RAB27B: variants seen among roughly 807,000 people sequenced by gnomAD.
RAB27B encodes the protein ras-related protein Rab-27B.
In RAB27B, 15 loss-of-function variants were observed where a neutral mutation model predicts 24.6. The observed-to-expected ratio is 0.61, with a 90% CI of 0.41 to 0.94. The LOEUF (loss-of-function observed/expected upper bound fraction) is 0.94. Ranked by LOEUF, RAB27B falls within the 40% of genes least tolerant of loss-of-function variation. RAB27B has a pLI of 0.00. For synonymous variants in RAB27B, 105 were observed against 92.5 expected (o/e 1.14, Z -0.78); for missense variants, 261 against 266.8 (o/e 0.98, Z 0.15).
intron 2 of RAB27B, among the ~76,000 whole-genome samples, chr18:54,804,980 CTTCCT>C (rs1196739474): frequency 0.012 from 792 of 66,450 alleles, 6 homozygotes; most frequent in Middle Eastern, 0.024. Context: ...TCCTGCCTTC[CTTCCT>C]TTTTTTTTTT....
At chr18:54,813,526 A>C (rs540435719) in intron 2 of RAB27B, among the ~76,000 whole-genome samples, 1 of 152,060 alleles carries the variant, frequency 6.6e-6, no homozygotes, top group Non-Finnish European at 1.5e-5. Flanking sequence ...AGAGCATGGC[A>C]CCTCTGCCCT....
intron 2 of RAB27B, among the ~76,000 whole-genome samples, chr18:54,807,478 C>T (rs1045136768): frequency 6.6e-6 from 1 of 152,098 alleles, no homozygotes; most frequent in African/African-American, 2.4e-5. Context: ...GAACTTGGAG[C>T]TTTACAGGAT....
intron 2 of RAB27B, among the ~76,000 whole-genome samples, chr18:54,804,934 C>CTTTCTTTCTT (rs1909739520): frequency 1.3e-5 from 1 of 76,588 alleles, no homozygotes; most frequent in South Asian, 4.1e-4. Flanking sequence ...TTCTTTCTTT[C>CTTTCTTTCTT]TTTCTTTCTT....
At chr18:54,767,320 G>C (rs899028696) in intron 2 of RAB27B, among the ~76,000 whole-genome samples, 2 of 152,102 alleles carry the variant, frequency 1.3e-5, no homozygotes, top group Non-Finnish European at 2.9e-5. Flanking sequence ...GCCAGTGTGT[G>C]GTGGGCAGTA....
At chr18:54,795,085 C>A (rs1488672686) in intron 2 of RAB27B, among the ~76,000 whole-genome samples, 1 of 152,124 alleles carries the variant, frequency 6.6e-6, no homozygotes, top group Non-Finnish European at 1.5e-5. Flanking sequence ...GGAAATTGAG[C>A]TTTAGAGTGA....
chr18:54,834,928 G>A (rs1372442223), intron 1 of RAB27B, among the ~76,000 whole-genome samples: 4 of 151,650 alleles, frequency 2.6e-5, no homozygotes, highest in East Asian at 1.9e-4. Context: ...ATGAGATTAT[G>A]TATTAAATCT....
At chr18:54,756,402 A>G (rs954451487) in intron 2 of RAB27B, among the ~76,000 whole-genome samples, 1 of 152,144 alleles carries the variant, frequency 6.6e-6, no homozygotes, top group African/African-American at 2.4e-5. Context: ...CTCAACATTG[A>G]TATCCTGACT....
intron 1 of RAB27B, among the ~76,000 whole-genome samples, chr18:54,839,553 G>A (rs1397690447): frequency 6.6e-6 from 1 of 152,134 alleles, no homozygotes; most frequent in Non-Finnish European, 1.5e-5. Flanking sequence ...GCAACAGTTA[G>A]GTCTTCTCCA....
At chr18:54,819,525 C>G (rs1443967439) in intron 2 of RAB27B, among the ~76,000 whole-genome samples, 1 of 111,362 alleles carries the variant, frequency 9.0e-6, no homozygotes, top group Non-Finnish European at 2.0e-5. Context: ...GAACAAGACT[C>G]CATCTCAAAA....
chr18:54,833,056 C>T (rs1222045963), intron 1 of RAB27B, among the ~76,000 whole-genome samples: 1 of 152,040 alleles, frequency 6.6e-6, no homozygotes, highest in Non-Finnish European at 1.5e-5. Flanking sequence ...ATTAGAAATA[C>T]TTAACGAAGG....
At position 54,842,778 on chromosome 18, in the gene RAB27B, C is replaced by T. The variant is rs117578891; in HGVS notation, c.-20+14078C>T. Among the ~76,000 whole-genome samples the T allele has an allele frequency of 8.0e-4, 122 of 152,232 alleles. 3 individuals carry two copies. In the East Asian group the frequency reaches 0.021, roughly 27 times the overall value. The stretch of plus-strand genomic sequence containing the variant: ...TAGTTTCAGACAAAAGTATTTGTTG[C>T]AAGTTTCTTGAATTTATGCAATATT... On this transcript the variant is annotated intron_variant, in intron 1 of 5. Transcript: ENST00000262094.
chr18:54,743,241 T>A (rs1910124913), intron 2 of RAB27B, among the ~76,000 whole-genome samples: 1 of 152,202 alleles, frequency 6.6e-6, no homozygotes, highest in Non-Finnish European at 1.5e-5. Flanking sequence ...GCATTTTATG[T>A]CACTATATTA....
chr18:54,718,204 C>T (rs1389141987), intron 2 of RAB27B: 8 of 152,082 alleles, frequency 5.3e-5, no homozygotes, highest in Admixed American at 1.3e-4. Context: ...CTTGACCTTC[C>T]TCTTCTTCGT....
At chr18:54,832,058 G>A (rs1315606630) in intron 1 of RAB27B, among the ~76,000 whole-genome samples, 1 of 152,178 alleles carries the variant, frequency 6.6e-6, no homozygotes, top group African/African-American at 2.4e-5. Flanking sequence ...ACAGATGTGA[G>A]CCACCGCGCC....
chr18:54,728,302 C>G (rs1323270074), intron 2 of RAB27B, among the ~76,000 whole-genome samples: 1 of 152,092 alleles, frequency 6.6e-6, no homozygotes, highest in Admixed American at 6.6e-5. Flanking sequence ...CCCTCCCCTC[C>G]CTCTCATGGG....
At chr18:54,882,174 T>C (rs559780209) in intron 3 of RAB27B, among the ~76,000 whole-genome samples, 1 of 152,332 alleles carries the variant, frequency 6.6e-6, no homozygotes, top group East Asian at 1.9e-4. Flanking sequence ...AGACAAATCC[T>C]ACTTTGGAAA....
intron 1 of RAB27B, among the ~76,000 whole-genome samples, chr18:54,862,432 A>C (rs1396719339): frequency 6.6e-6 from 1 of 152,182 alleles, no homozygotes; most frequent in African/African-American, 2.4e-5. Context: ...ACAGCATCAA[A>C]TTATTAATAG....
intron 2 of RAB27B, among the ~76,000 whole-genome samples, chr18:54,755,905 C>A (rs909223779): frequency 1.2e-4 from 19 of 152,094 alleles, no homozygotes; most frequent in Non-Finnish European, 5.9e-5. Context: ...CAAATACCAG[C>A]GCCACCAAAA....
chr18:54,839,836 G>A (rs568549825), intron 1 of RAB27B, among the ~76,000 whole-genome samples: 103 of 152,184 alleles, frequency 6.8e-4, no homozygotes, highest in South Asian at 2.7e-3. Flanking sequence ...TAGAATTACA[G>A]GAGTGAATAT....
Sources: allele counts gnomAD v4.1 joint callset (sites outside exome capture counted in the v4.1 genomes callset), GRCh38; gene constraint gnomAD v4.1.1; transcripts MANE v1.5; gene names NCBI Gene and HGNC (gene_info 2026-07-23, HGNC 2026-07-21).